The following TTLL6 variants were observed in gnomAD, a reference collection of about 807,000 sequenced individuals.
The protein encoded by TTLL6 is tubulin polyglutamylase TTLL6.
A neutral mutation model predicts 96.4 loss-of-function variants in TTLL6; 75 were observed. The ratio of observed to expected loss-of-function variants is 0.78; its 90% CI spans 0.65 to 0.94. The LOEUF is 0.94. Ranked by LOEUF, TTLL6 falls within the 40% of genes least tolerant of loss-of-function variation. The pLI, the probability that TTLL6 is intolerant of heterozygous loss-of-function variation, is 0.00. For synonymous variants in TTLL6, 411 were observed against 419.4 expected (o/e 0.98, Z 0.24); for missense variants, 1,030 against 1,093.0 (o/e 0.94, Z 0.81).
At chr17:48,813,180 C>G (rs1040388674) in intron 1 of TTLL6, among the ~76,000 whole-genome samples, 56 of 152,278 alleles carry the variant, frequency 3.7e-4, no homozygotes, top group Non-Finnish European at 6.6e-4. Context: ...TCTCGGCAGG[C>G]CATCCATAAA....
chr17:48,811,075 T>C (rs1323060341), intron 1 of TTLL6, among the ~76,000 whole-genome samples: 3 of 142,986 alleles, frequency 2.1e-5, no homozygotes, highest in African/African-American at 5.1e-5. Flanking sequence ...TTTCTTTTTT[T>C]TTTTTTTTTT....
chr17:48,772,688 A>T (rs1176495997), intron 13 of TTLL6, among the ~76,000 whole-genome samples: 1 of 150,758 alleles, frequency 6.6e-6, no homozygotes, highest in Non-Finnish European at 1.5e-5. Context: ...CCAACATTGC[A>T]CCACTGCACT....
intron 13 of TTLL6, among the ~76,000 whole-genome samples, chr17:48,782,218 G>A (rs1291738529): frequency 1.3e-5 from 2 of 150,030 alleles, no homozygotes; most frequent in Admixed American, 1.3e-4. Flanking sequence ...CGATTCTCCT[G>A]CCTCAGCTCC....
Position 48,787,956 on chromosome 17 carries a change from T to G in TTLL6, c.1444A>C (p.Thr482Pro). The change falls in exon 11 of 16, where the codon ACT becomes CCT. Residue 482 changes from threonine (T) to proline (P), a missense_variant. Thr to Pro is a conservative substitution (Grantham distance 38, BLOSUM62 -1). Coordinates refer to ENST00000393382, the MANE Select transcript of TTLL6 (RefSeq NM_001130918.3). Reference sequence around the variant, plus strand: ...CAGTTTTCCTTCTCATACGTTTCAGTTTTCTTTAACTGCACGGCCCGGAAA... The same window carrying G: ...CAGTTTTCCTTCTCATACGTTTCAGGTTTCTTTAACTGCACGGCCCGGAAA... ...KGFRAVQLKK[T>P]ETYEKENCGG... 1 of 1,614,164 alleles carries G rather than the reference T, an allele frequency of 6.2e-7. No homozygotes were observed.
intron 9 of TTLL6, among the ~76,000 whole-genome samples, chr17:48,790,676 C>T (rs570085750): frequency 2.0e-5 from 3 of 152,328 alleles, no homozygotes; most frequent in Admixed American, 2.0e-4. Context: ...CATCCCTCTT[C>T]CCACCACACC....
intron 8 of TTLL6, among the ~76,000 whole-genome samples, chr17:48,794,967 C>A (rs567428199): frequency 3.9e-5 from 6 of 152,308 alleles, no homozygotes; most frequent in African/African-American, 1.4e-4. Context: ...GGAGATGGCA[C>A]CTAACTCACA....
intron 13 of TTLL6, among the ~76,000 whole-genome samples, chr17:48,782,114 T>C (rs2038998172): frequency 6.7e-6 from 1 of 149,910 alleles, no homozygotes; most frequent in Non-Finnish European, 1.5e-5. Flanking sequence ...TCTTTTTTTT[T>C]TTTTTTTTTG....
intron 15 of TTLL6, 106 bp from the exon 16 acceptor site, chr17:48,763,079 G>A (rs1314360098): frequency 1.6e-5 from 6 of 366,516 alleles, no homozygotes; most frequent in Middle Eastern, 6.0e-4. Flanking sequence ...ATCAAGAGAC[G>A]CTTAGGTGAC....
Position 48,801,587 on chromosome 17 carries a change from T to A in TTLL6, c.418A>T (p.Thr140Ser), listed in dbSNP as rs748317340. The change falls in exon 4 of 16, where the codon ACT becomes TCT. Residue 140 changes from threonine (T) to serine (S), a missense_variant. Coordinates refer to ENST00000393382, the MANE Select transcript of TTLL6 (RefSeq NM_001130918.3). ...FREGGEDDDW[T>S]LYWTDYSVSL... is the part of the protein sequence containing the mutation. ...ACTGAGTAATCTGTCCAATAGAGAGTCCAGTCATCGTCTTCCCCTCCCTCT... is the reference window on the plus strand; with the variant it reads ...ACTGAGTAATCTGTCCAATAGAGAGACCAGTCATCGTCTTCCCCTCCCTCT... 2.1e-5 allele frequency: 32 copies of A among 1,551,436 alleles called. No homozygotes were observed. The highest frequency in any genetic ancestry group is 2.7e-5 in the Non-Finnish European group (31 of 1,146,930).
At position 48,811,227 on chromosome 17, in the gene TTLL6, C is replaced by T. The variant is rs148025937; in HGVS notation, c.103+5743G>A. Among the ~76,000 whole-genome samples, 493 of 151,766 alleles carry T rather than the reference C, an allele frequency of 3.2e-3. 3 individuals carry two copies. The highest frequency in any genetic ancestry group is 6.8e-3 in the Middle Eastern group (2 of 294). ...GGGATTACAGGTGCCTGTCACCATGCCTGGCTAAGTTTTGTATTTTTAGTA... is the reference window on the plus strand; with the variant it reads ...GGGATTACAGGTGCCTGTCACCATGTCTGGCTAAGTTTTGTATTTTTAGTA... On this transcript the variant is annotated intron_variant, in intron 1 of 15. Transcript: ENST00000393382.
At position 48,769,235 on chromosome 17, in the gene TTLL6, C is replaced by T; in HGVS notation, c.2430G>A (p.Gly810=). 9 of 1,605,292 alleles carry T rather than the reference C, an allele frequency of 5.6e-6. No homozygotes were observed. Among genetic ancestry groups the T allele is most frequent in the Non-Finnish European group, 7.7e-6 (9 of 1,173,698 alleles). ...AGCTGTCACTGCGGGAGTGGCACTC[C>T]CCAGGCAGGGAGGGGTTTTCTGGAA... ...NNLSQNPSLP[G]ECHSRSDSSG... Residue 810 remains glycine, a synonymous_variant, in exon 15 of 16, where the codon GGG becomes GGA. Transcript: ENST00000393382.
intron 13 of TTLL6, 98 bp downstream of exon 13, chr17:48,784,825 A>T: frequency 1.0e-6 from 1 of 984,244 alleles, no homozygotes; most frequent in Non-Finnish European, 1.5e-6. Flanking sequence ...AGGGAGGCTC[A>T]GTGGCTTACT....
intron 15 of TTLL6, among the ~76,000 whole-genome samples, 186 bp downstream of exon 15, chr17:48,768,803 A>C (rs1463492392): frequency 1.3e-5 from 2 of 152,128 alleles, no homozygotes; most frequent in Non-Finnish European, 2.9e-5. Flanking sequence ...TGGCCTCCCA[A>C]AGTGCTGGGA....
intron 11 of TTLL6, 23 bp downstream of exon 11, chr17:48,787,788 C>T (rs1468141802): frequency 6.2e-7 from 1 of 1,607,340 alleles, no homozygotes; most frequent in Non-Finnish European, 8.5e-7. Flanking sequence ...CCTCCACCGA[C>T]CTCATCCCGG....
chr17:48,783,148 G>A (rs546078864), intron 13 of TTLL6, among the ~76,000 whole-genome samples: 184 of 152,242 alleles, frequency 1.2e-3, no homozygotes, highest in African/African-American at 4.3e-3. Context: ...GAGGTGGGGC[G>A]GGGGTGATGG....
chr17:48,781,555 T>C (rs1261263697), intron 13 of TTLL6, among the ~76,000 whole-genome samples: 1 of 152,260 alleles, frequency 6.6e-6, no homozygotes, highest in Non-Finnish European at 1.5e-5. Context: ...TGATGACTAG[T>C]GATGTTGAGC....
chr17:48,803,244 C>T (rs1477135083), intron 3 of TTLL6, among the ~76,000 whole-genome samples: 1 of 152,134 alleles, frequency 6.6e-6, no homozygotes, highest in Non-Finnish European at 1.5e-5. Context: ...CCTATAATCC[C>T]AGCACTTTGG....
chr17:48,783,469 T>C (rs887571812), intron 13 of TTLL6, among the ~76,000 whole-genome samples: 3 of 152,072 alleles, frequency 2.0e-5, no homozygotes, highest in Non-Finnish European at 2.9e-5. Context: ...TCTCACTCTG[T>C]TGCCCAGACT....
rs201545125 is a variant in TTLL6, at chr17:48,787,958, T to C, written c.1442A>G (p.Lys481Arg). Residue 481 changes from lysine (K) to arginine (R), a missense_variant, in exon 11 of 16, where the codon AAA (lysine) becomes AGA (arginine). Coordinates refer to ENST00000393382, the MANE Select transcript of TTLL6 (RefSeq NM_001130918.3). ...AKGFRAVQLKKTETYEKENCG... is the reference protein window; with the variant it reads ...AKGFRAVQLKRTETYEKENCG... ...GTTTTCCTTCTCATACGTTTCAGTTTTCTTTAACTGCACGGCCCGGAAACC... is the reference window on the plus strand; with the variant it reads ...GTTTTCCTTCTCATACGTTTCAGTTCTCTTTAACTGCACGGCCCGGAAACC... The C allele has an allele frequency of 1.1e-5, 17 of 1,614,168 alleles. No individual in the cohort carries two copies. In the East Asian group the frequency reaches 2.7e-4, roughly 25 times the overall value.
Sources: allele counts gnomAD v4.1 joint callset (sites outside exome capture counted in the v4.1 genomes callset), GRCh38; gene constraint gnomAD v4.1.1; transcripts MANE v1.5; gene names NCBI Gene and HGNC (gene_info 2026-07-23, HGNC 2026-07-21).